The following ANKRD44 variants were observed in gnomAD, a reference collection of about 807,000 sequenced individuals.
ANKRD44 encodes the protein ankyrin repeat domain 44, also known as serine/threonine-protein phosphatase 6 regulatory ankyrin repeat subunit B.
In ANKRD44, 35 loss-of-function variants were observed where a neutral mutation model predicts 116.0. The observed-to-expected ratio is 0.30, with a 90% confidence interval of 0.23 to 0.40. ANKRD44 has a LOEUF of 0.40. Ranked by LOEUF, ANKRD44 falls within the 10% of genes least tolerant of loss-of-function variation. The pLI, the probability that ANKRD44 is intolerant of heterozygous loss-of-function variation, is 1.00. For synonymous variants in ANKRD44, 435 were observed against 461.8 expected (o/e 0.94, Z 0.74); for missense variants, 1,014 against 1,242.6 (o/e 0.82, Z 2.77).
intron 16 of ANKRD44, among the ~76,000 whole-genome samples, chr2:197,030,874 A>C (rs922132826): frequency 6.6e-6 from 1 of 152,058 alleles, no homozygotes; most frequent in African/African-American, 2.4e-5. Context: ...ATGCGGTCTC[A>C]CTATGTTGCC....
chr2:197,293,532 A>G (rs2083629400), intron 1 of ANKRD44, among the ~76,000 whole-genome samples: 1 of 152,228 alleles, frequency 6.6e-6, no homozygotes, highest in African/African-American at 2.4e-5. Context: ...CAGTGCTGTG[A>G]CAAATGTTCC....
intron 17 of ANKRD44, among the ~76,000 whole-genome samples, chr2:197,017,525 TTTGA>T (rs2076415520): frequency 6.6e-6 from 1 of 152,240 alleles, no homozygotes; most frequent in Non-Finnish European, 1.5e-5. Context: ...TGTGAATGAT[TTTGA>T]TTATGTTACA....
chr2:197,008,361 C>T (rs1278537370), intron 19 of ANKRD44, among the ~76,000 whole-genome samples: 1 of 152,144 alleles, frequency 6.6e-6, no homozygotes. Context: ...AAAAGTCTGT[C>T]AAGTCTCCGG....
chr2:197,070,535 G>C (rs184453575), intron 16 of ANKRD44, among the ~76,000 whole-genome samples: 2 of 152,244 alleles, frequency 1.3e-5, no homozygotes, highest in East Asian at 3.9e-4. Flanking sequence ...TGTTAATACA[G>C]TGAATTACAC....
intron 21 of ANKRD44, among the ~76,000 whole-genome samples, chr2:196,979,247 A>C (rs1016819153): frequency 4.6e-5 from 7 of 151,908 alleles, no homozygotes; most frequent in African/African-American, 1.7e-4. Context: ...ATATTTTAAA[A>C]AATTAGCCAC....
intron 9 of ANKRD44, among the ~76,000 whole-genome samples, chr2:197,101,652 T>C (rs1054905429): frequency 5.3e-5 from 8 of 152,240 alleles, no homozygotes; most frequent in African/African-American, 1.7e-4. Flanking sequence ...TGTCTGTCAG[T>C]ACACTTACTG....
intron 1 of ANKRD44, among the ~76,000 whole-genome samples, chr2:197,231,102 T>C (rs569023385): frequency 6.6e-6 from 1 of 152,280 alleles, no homozygotes; most frequent in African/African-American, 2.4e-5. Flanking sequence ...CCTAAGTCAC[T>C]GGCAGATGCG....
rs191977611 is a variant in ANKRD44 at position 197,015,075 on chromosome 2, C to T, written c.1723-1363G>A. On this transcript the variant is annotated intron_variant, in intron 17 of 27. Transcript: ENST00000282272. ...AGAGAACATTTTGAGAAATGGGGCA[C>T]ATTCACAGGTTGTGTGGTAATAAAA... The T allele has an allele frequency of 2.1e-5, 5 of 241,040 alleles. No homozygotes were observed. The East Asian group carries it at 4.5e-4, about 22-fold the overall frequency. The allele number at this position is 241,040 out of a possible 1,614,324, so 14.9% of individuals were successfully genotyped here.
chr2:197,153,222 T>A lies in ANKRD44; in HGVS notation c.112-6117A>T, dbSNP rs534941257. On this transcript the variant is annotated intron_variant, in intron 2 of 27. Coordinates refer to ENST00000282272, the MANE Select transcript of ANKRD44 (RefSeq NM_001195144.2). ...TGCTCTGGGTGACAGAGCAAGACCCTGCCAAAAAAAAAAAAAAAAAAAAAA... is the reference window on the plus strand; with the variant it reads ...TGCTCTGGGTGACAGAGCAAGACCCAGCCAAAAAAAAAAAAAAAAAAAAAA... Among the ~76,000 whole-genome samples the A allele has an allele frequency of 0.01, 129 of 12,442 alleles. 2 individuals are homozygous for A. In the South Asian group the frequency reaches 0.14, roughly 14 times the overall value. The allele number at this position is 12,442 out of a possible 152,430, so 8.2% of individuals were successfully genotyped here.
At chr2:197,062,390 T>C (rs781481961) in intron 16 of ANKRD44, among the ~76,000 whole-genome samples, 1 of 152,232 alleles carries the variant, frequency 6.6e-6, no homozygotes, top group Non-Finnish European at 1.5e-5. Context: ...CTTAAGCGCA[T>C]TGATTTTTAC....
intron 1 of ANKRD44, among the ~76,000 whole-genome samples, chr2:197,211,782 C>T (rs990723902): frequency 1.3e-5 from 2 of 151,790 alleles, no homozygotes; most frequent in Admixed American, 6.6e-5. Context: ...TTAGGAGATG[C>T]AGCAGGTTAT....
At chr2:197,139,850 G>C in intron 3 of ANKRD44, among the ~76,000 whole-genome samples, 1 of 2,980 alleles carries the variant, frequency 3.4e-4, no homozygotes, top group Middle Eastern at 0.17. Flanking sequence ...AGCTGCTTTT[G>C]TGTGTGTGTG....
rs557584133 is a variant in ANKRD44 at position 197,243,398 on chromosome 2, C to CT, written c.28-56293dup. Among the ~76,000 whole-genome samples the CT allele has an allele frequency of 1.6e-4, 24 of 152,052 alleles. No homozygotes were observed. In the South Asian group the frequency reaches 5.0e-3, roughly 32 times the overall value. On this transcript the variant is annotated intron_variant, in intron 1 of 27. Transcript: ENST00000282272. ...AGCTTTAGGACAAAAAAAAAAATGTCTTAAAGAGAAACTTGGGCCTGAACT... is the reference window on the plus strand; with the variant it reads ...AGCTTTAGGACAAAAAAAAAAATGTCTTTAAAGAGAAACTTGGGCCTGAACT...
chr2:196,969,091 A>G (rs571942163), intron 21 of ANKRD44, among the ~76,000 whole-genome samples: 2 of 152,306 alleles, frequency 1.3e-5, no homozygotes, highest in African/African-American at 4.8e-5. Context: ...ATATGTGTGG[A>G]GTAGAAAGGG....
In ANKRD44 at chr2:196,988,897, C is replaced by T. The variant is rs2075870499; in HGVS notation, c.*694G>A. On this transcript the variant is annotated 3_prime_UTR_variant, in exon 28 of 28. Transcript: ENST00000282272. ...GGTAATTTCTAGATATTTCTTTGTGCTGCCTTTGTGTATATGATCCACTAC... is the reference window on the plus strand; with the variant it reads ...GGTAATTTCTAGATATTTCTTTGTGTTGCCTTTGTGTATATGATCCACTAC... 2.0e-6 allele frequency: 2 copies of T among 985,292 alleles called. No individual in the cohort carries two copies. The highest frequency in any genetic ancestry group is 1.2e-6 in the Non-Finnish European group (1 of 829,940). The allele number at this position is 985,292 out of a possible 1,614,324, so 61.0% of individuals were successfully genotyped here. A position where few individuals can be genotyped will look rare whatever the true frequency, so the allele number is the denominator to read the frequency against.
intron 3 of ANKRD44, among the ~76,000 whole-genome samples, chr2:197,141,462 A>C (rs748795651): frequency 4.6e-5 from 7 of 152,094 alleles, no homozygotes; most frequent in Non-Finnish European, 8.8e-5. Context: ...GAAAATTTTT[A>C]GTTTTATGCA....
chr2:197,237,883 G>A (rs114660050), intron 1 of ANKRD44, among the ~76,000 whole-genome samples: 140 of 152,220 alleles, frequency 9.2e-4, no homozygotes, highest in African/African-American at 3.1e-3. Flanking sequence ...TGCAACTTCC[G>A]GATGCCCTTC....
chr2:197,174,490 G>A (rs898087138), intron 2 of ANKRD44, among the ~76,000 whole-genome samples: 3 of 152,324 alleles, frequency 2.0e-5, no homozygotes, highest in Middle Eastern at 3.4e-3. Flanking sequence ...CATATGTAAC[G>A]TTTTTAAAGA....
chr2:197,005,538 A>T (rs1034475365), intron 21 of ANKRD44, among the ~76,000 whole-genome samples, 156 bp downstream of exon 21: 6 of 152,192 alleles, frequency 3.9e-5, no homozygotes, highest in Admixed American at 6.5e-5. Context: ...GAGAACTATT[A>T]AAAAAACAAA....
Sources: gnomAD v4.1 joint callset for allele counts (sites outside exome capture counted in the v4.1 genomes callset) on GRCh38, gnomAD v4.1.1 for gene constraint, MANE v1.5 for transcripts, NCBI Gene and HGNC (gene_info 2026-07-23, HGNC 2026-07-21) for gene names.